Variants in CSMD3 observed in about 807,000 individuals in gnomAD.
The protein encoded by CSMD3 is CUB and Sushi multiple domains 3.
Under a neutral mutation model 435.2 loss-of-function variants are expected in CSMD3, and 177 were observed. The observed-to-expected ratio is 0.41, with a 90% CI of 0.36 to 0.46. The LOEUF is 0.46. Ranked by LOEUF, CSMD3 falls within the 20% of genes least tolerant of loss-of-function variation. The probability of loss-of-function intolerance (pLI) is 0.34; values close to 1 mark genes in which losing one functional copy is unlikely to be tolerated. For synonymous variants in CSMD3, 1,656 were observed against 1,520.5 expected (o/e 1.09, Z -2.07); for missense variants, 4,265 against 4,504.6 (o/e 0.95, Z 1.52).
At chr8:113,232,650 T>A (rs2093101426) in intron 3 of CSMD3, among the ~76,000 whole-genome samples, 1 of 151,760 alleles carries the variant, frequency 6.6e-6, no homozygotes, top group Admixed American at 6.6e-5. Context: ...CAAATCAAAA[T>A]CAACTTTTAT....
rs181063910 is a variant in CSMD3, at chr8:112,926,675, T to G, written c.1509-4924A>C. ...CAAAATACACAAATTTTACCTGTGT[T>G]GGCCCAAGATAGTGAATCTATAATT... On this transcript the variant is annotated intron_variant, in intron 9 of 70. Transcript: ENST00000297405. 4.5e-3 allele frequency among the ~76,000 whole-genome samples: 680 copies of G among 152,250 alleles called. 5 individuals carry two copies. Among genetic ancestry groups the G allele is most frequent in the African/African-American group, 0.015 (619 of 41,566 alleles).
intron 32 of CSMD3, among the ~76,000 whole-genome samples, chr8:112,447,259 T>A (rs1018634571): frequency 6.6e-6 from 1 of 152,068 alleles, no homozygotes; most frequent in East Asian, 1.9e-4. Context: ...TAAATTTTTA[T>A]AATGGAAAAG....
chr8:112,506,080 G>C (rs1822477755), intron 29 of CSMD3, among the ~76,000 whole-genome samples: 2 of 151,942 alleles, frequency 1.3e-5, no homozygotes, highest in South Asian at 4.1e-4. Context: ...ACAGGATCCT[G>C]GCATAAAACT....
At chr8:112,494,272 C>G (rs1273926219) in intron 30 of CSMD3, among the ~76,000 whole-genome samples, 2 of 151,130 alleles carry the variant, frequency 1.3e-5, no homozygotes, top group East Asian at 2.0e-4. Flanking sequence ...TTCTTTCCTT[C>G]CTTCCTTCCT....
At chr8:112,442,304 C>T (rs1249443158) in intron 32 of CSMD3, among the ~76,000 whole-genome samples, 1 of 152,170 alleles carries the variant, frequency 6.6e-6, no homozygotes, top group African/African-American at 2.4e-5. Context: ...TATTGGGAAT[C>T]ACCTTTCAAC....
intron 1 of CSMD3, among the ~76,000 whole-genome samples, chr8:113,348,263 G>A (rs2094165302): frequency 6.6e-6 from 1 of 152,116 alleles, no homozygotes; most frequent in African/African-American, 2.4e-5. Context: ...TTCATAAGTA[G>A]TTTTTATCAC....
chr8:112,969,221 C>T (rs565161112), intron 7 of CSMD3, among the ~76,000 whole-genome samples: 2 of 151,780 alleles, frequency 1.3e-5, no homozygotes, highest in East Asian at 3.9e-4. Context: ...TTTTGTTGAG[C>T]CTTATAAATA....
intron 6 of CSMD3, among the ~76,000 whole-genome samples, chr8:112,993,167 A>G (rs2085519029): frequency 6.6e-6 from 1 of 151,792 alleles, no homozygotes; most frequent in South Asian, 2.1e-4. Context: ...ATTGAAACCA[A>G]TGTTCCAAAT....
At chr8:112,701,052 T>C (rs1259526369) in intron 13 of CSMD3, among the ~76,000 whole-genome samples, 1 of 152,170 alleles carries the variant, frequency 6.6e-6, no homozygotes, top group East Asian at 1.9e-4. Flanking sequence ...TCTCTGTTTA[T>C]ATAACTTTTC....
intron 1 of CSMD3, among the ~76,000 whole-genome samples, chr8:113,388,408 T>C (rs1044648858): frequency 6.6e-6 from 1 of 151,472 alleles, no homozygotes; most frequent in African/African-American, 2.4e-5. Context: ...GAAAAAAAAA[T>C]TTAAAACAGA....
At chr8:112,248,885 G>GC (rs1815011561) in intron 63 of CSMD3, among the ~76,000 whole-genome samples, 1 of 152,048 alleles carries the variant, frequency 6.6e-6, no homozygotes, top group Non-Finnish European at 1.5e-5. Flanking sequence ...ATCCCTGGAT[G>GC]CCCCATTTTC....
At chr8:112,834,768 G>A (rs1448937382) in intron 11 of CSMD3, among the ~76,000 whole-genome samples, 1 of 151,684 alleles carries the variant, frequency 6.6e-6, no homozygotes, top group African/African-American at 2.4e-5. Context: ...TTTGGTAGTA[G>A]GGCTGAAACA....
At chr8:112,786,740 C>CT (rs780390181) in intron 13 of CSMD3, among the ~76,000 whole-genome samples, 17 of 152,060 alleles carry the variant, frequency 1.1e-4, no homozygotes, top group African/African-American at 4.1e-4. Context: ...ATAAAAAAGA[C>CT]TTTTTTTATT....
intron 6 of CSMD3, among the ~76,000 whole-genome samples, chr8:112,983,494 T>G (rs1209920866): frequency 6.6e-6 from 1 of 151,090 alleles, no homozygotes; most frequent in Non-Finnish European, 1.5e-5. Context: ...TTCTTAAGAA[T>G]TAAGTATTGC....
At chr8:112,446,034 A>C (rs1247739133) in intron 32 of CSMD3, among the ~76,000 whole-genome samples, 1 of 152,224 alleles carries the variant, frequency 6.6e-6, no homozygotes, top group African/African-American at 2.4e-5. Flanking sequence ...ATATTTTACA[A>C]AACTTAGAAT....
intron 3 of CSMD3, among the ~76,000 whole-genome samples, chr8:113,270,160 G>A (rs1370401903): frequency 6.6e-6 from 1 of 152,138 alleles, no homozygotes; most frequent in Non-Finnish European, 1.5e-5. Context: ...GATATGAACA[G>A]ACACTTCTCA....
intron 4 of CSMD3, among the ~76,000 whole-genome samples, chr8:113,157,181 T>C (rs2091951682): frequency 6.6e-6 from 1 of 152,082 alleles, no homozygotes; most frequent in Non-Finnish European, 1.5e-5. Context: ...ACATAGAGTA[T>C]TGGGGTTTGC....
chr8:112,376,151 G>C (rs1050019732), intron 38 of CSMD3, among the ~76,000 whole-genome samples: 21 of 151,980 alleles, frequency 1.4e-4, no homozygotes, highest in African/African-American at 5.1e-4. Flanking sequence ...TATTGCTTTT[G>C]GGTGATCTAC....
chr8:112,290,576 G>A (rs980905934), intron 56 of CSMD3, among the ~76,000 whole-genome samples: 8 of 151,604 alleles, frequency 5.3e-5, no homozygotes, highest in African/African-American at 1.9e-4. Flanking sequence ...AAAAAGTGTT[G>A]TTTCTTCATT....
Sources: gnomAD v4.1 joint callset for allele counts (sites outside exome capture counted in the v4.1 genomes callset) on GRCh38, gnomAD v4.1.1 for gene constraint, MANE v1.5 for transcripts, NCBI Gene and HGNC (gene_info 2026-07-23, HGNC 2026-07-21) for gene names.